The following C9orf85 variants were observed in gnomAD, a reference collection of about 807,000 sequenced individuals.
C9orf85 encodes chromosome 9 open reading frame 85, also known as uncharacterized protein C9orf85.
C9orf85 carries 16 observed loss-of-function variants against 14.9 expected under a neutral mutation model. The ratio of observed to expected loss-of-function variants is 1.08; its 90% confidence interval spans 0.73 to 1.63. C9orf85 has a LOEUF of 1.63. Ranked by LOEUF, C9orf85 falls within the 40% of genes most tolerant of loss-of-function variation. The probability of loss-of-function intolerance (pLI) is 0.00; values close to 1 mark genes in which losing one functional copy is unlikely to be tolerated. For missense variants in C9orf85, 172 were observed against 186.1 expected, an observed-to-expected ratio of 0.92 and a Z score of 0.44; for synonymous variants, 45 against 56.8, an observed-to-expected ratio of 0.79 and a Z score of 0.93.
intron 2 of C9orf85, among the ~76,000 whole-genome samples, chr9:71,968,762 C>T (rs1184062006): frequency 4.6e-5 from 7 of 152,258 alleles, no homozygotes; most frequent in Middle Eastern, 3.4e-3. Flanking sequence ...CAAGAGTACA[C>T]CTGAACAAAG....
chr9:71,964,376 A>G (rs902653251), intron 2 of C9orf85, among the ~76,000 whole-genome samples: 1 of 152,048 alleles, frequency 6.6e-6, no homozygotes, highest in African/African-American at 2.4e-5. Context: ...GGTTCTTTGC[A>G]ATAAATCTTG....
Position 71,972,940 on chromosome 9 carries a change from T to A in C9orf85, c.*98T>A, listed in dbSNP as rs1239826671. Reference sequence around the variant, plus strand: ...GGGTGGATCACCTGAGGTCAGGAGTTCGAGACCAGCCTGGCCAACATGGCG... The same window carrying A: ...GGGTGGATCACCTGAGGTCAGGAGTACGAGACCAGCCTGGCCAACATGGCG... On this transcript the variant is annotated 3_prime_UTR_variant, in exon 4 of 4. Transcript: ENST00000334731. 1.1e-6 allele frequency: 1 copy of A among 937,172 alleles called. No homozygotes were observed. The highest frequency in any genetic ancestry group is 1.7e-5 in the African/African-American group (1 of 57,892). The allele number at this position is 937,172 out of a possible 1,614,324, so 58.1% of individuals were successfully genotyped here. A position where few individuals can be genotyped will look rare whatever the true frequency, so the allele number is the denominator to read the frequency against.
chr9:71,911,894 G>C, intron 1 of C9orf85, 58 bp downstream of exon 1: 6 of 1,488,192 alleles, frequency 4.0e-6, no homozygotes, highest in Non-Finnish European at 5.6e-6. Context: ...TCACTGGAGA[G>C]GGGAGAGAGG....
intron 2 of C9orf85, among the ~76,000 whole-genome samples, chr9:71,954,878 A>T (rs979124284): frequency 6.6e-6 from 1 of 152,062 alleles, no homozygotes; most frequent in Non-Finnish European, 1.5e-5. Context: ...TGGTTCACAC[A>T]CCTCTGACAG....
intron 1 of C9orf85, among the ~76,000 whole-genome samples, chr9:71,933,933 T>C (rs960929203): frequency 3.9e-5 from 6 of 152,176 alleles, no homozygotes; most frequent in Admixed American, 1.3e-4. Flanking sequence ...CCAGAAAATA[T>C]TTGAATCCAC....
intron 1 of C9orf85, among the ~76,000 whole-genome samples, chr9:71,943,789 C>T (rs1347162041): frequency 1.3e-5 from 2 of 151,768 alleles, no homozygotes; most frequent in African/African-American, 2.4e-5. Context: ...GATCTGCCTG[C>T]CTCGGCCTCC....
chr9:71,926,659 C>A (rs10735609), intron 1 of C9orf85, among the ~76,000 whole-genome samples: 62 of 147,388 alleles, frequency 4.2e-4, no homozygotes, highest in African/African-American at 1.6e-3. Flanking sequence ...AAAAAGAATC[C>A]TGTGACATTG....
At chr9:71,958,329 C>A (rs938309535) in intron 2 of C9orf85, among the ~76,000 whole-genome samples, 2 of 149,900 alleles carry the variant, frequency 1.3e-5, no homozygotes, top group Non-Finnish European at 3.0e-5. Context: ...ATGGCATGAT[C>A]TCTGCTCACC....
intron 1 of C9orf85, among the ~76,000 whole-genome samples, chr9:71,914,650 A>G (rs1280861273): frequency 6.6e-6 from 1 of 152,174 alleles, no homozygotes. Context: ...AGCTTTCTTT[A>G]TATGCTTGAA....
chr9:71,963,623 C>T (rs935600183), intron 2 of C9orf85, among the ~76,000 whole-genome samples: 1 of 152,196 alleles, frequency 6.6e-6, no homozygotes, highest in South Asian at 2.1e-4. Context: ...TTGGCGGGCC[C>T]TGCACTCAGA....
chr9:71,974,179 G>A (rs1251524421), downstream of C9orf85, among the ~76,000 whole-genome samples: 4 of 151,484 alleles, frequency 2.6e-5, no homozygotes, highest in Admixed American at 6.6e-5. Flanking sequence ...CACCTGCCTC[G>A]GCCTCCCACA....
chr9:71,924,996 A>G (rs1827897068), intron 1 of C9orf85, among the ~76,000 whole-genome samples: 1 of 152,238 alleles, frequency 6.6e-6, no homozygotes, highest in South Asian at 2.1e-4. Context: ...ACGCACCAAT[A>G]CAGAACAATG....
chr9:71,965,633 A>C (rs912937729), intron 2 of C9orf85, among the ~76,000 whole-genome samples: 1 of 152,044 alleles, frequency 6.6e-6, no homozygotes, highest in East Asian at 1.9e-4. Flanking sequence ...GGGTCTCTCT[A>C]TGTTGCCCAG....
intron 1 of C9orf85, among the ~76,000 whole-genome samples, chr9:71,937,095 G>T (rs929034022): frequency 6.6e-6 from 1 of 152,142 alleles, no homozygotes; most frequent in Non-Finnish European, 1.5e-5. Context: ...ATTTATCAGC[G>T]CAGTGTTTGT....
intron 1 of C9orf85, among the ~76,000 whole-genome samples, chr9:71,912,740 C>T (rs886248764): frequency 6.6e-6 from 1 of 152,100 alleles, no homozygotes; most frequent in Admixed American, 6.6e-5. Context: ...CAAAAATTAG[C>T]CGACGTGGTG....
At chr9:71,956,284 C>T (rs1822380225) in intron 2 of C9orf85, among the ~76,000 whole-genome samples, 1 of 103,456 alleles carries the variant, frequency 9.7e-6, no homozygotes, top group Non-Finnish European at 1.8e-5. Context: ...GAATTTCGCT[C>T]TTGTTGCCCA....
chr9:71,956,428 T>C (rs1165655264), intron 2 of C9orf85, among the ~76,000 whole-genome samples: 1 of 151,942 alleles, frequency 6.6e-6, no homozygotes, highest in Admixed American at 6.6e-5. Flanking sequence ...TTTGTATTTT[T>C]AGTAGAGACG....
intron 1 of C9orf85, among the ~76,000 whole-genome samples, chr9:71,912,454 T>TA (rs1430297716): frequency 6.6e-6 from 1 of 152,162 alleles, no homozygotes; most frequent in Non-Finnish European, 1.5e-5. Context: ...ATATAAGTAC[T>TA]AATTTGCAGG....
rs932964078 is a variant in C9orf85, at chr9:71,936,267, A to T, written c.103-10739A>T. Among the ~76,000 whole-genome samples, 5 of 152,058 alleles carry T rather than the reference A, an allele frequency of 3.3e-5. No individual in the cohort carries two copies. In the East Asian group the frequency reaches 9.7e-4, roughly 29 times the overall value. ...GTTAGCACTAGGGACATAGTTTTGG[A>T]TGTAATCTTCGTTGAGCTCATTGCT... On this transcript the variant is annotated intron_variant, in intron 1 of 3. Transcript: ENST00000334731.
Sources: gnomAD v4.1 joint callset for allele counts (sites outside exome capture counted in the v4.1 genomes callset) on GRCh38, gnomAD v4.1.1 for gene constraint, MANE v1.5 for transcripts, NCBI Gene and HGNC (gene_info 2026-07-23, HGNC 2026-07-21) for gene names.